ARF5: variants seen among roughly 807,000 people sequenced by gnomAD.
The protein encoded by ARF5 is ADP-ribosylation factor 5.
Under a neutral mutation model 24.8 loss-of-function variants are expected in ARF5, and 10 were observed. The observed-to-expected ratio is 0.40, with a 90% CI of 0.25 to 0.68. The LOEUF (loss-of-function observed/expected upper bound fraction) is 0.68. ARF5 is among the 30% of genes least tolerant of loss of function. The pLI is 0.36. For missense variants in ARF5, 135 were observed against 239.2 expected (o/e 0.56, Z 2.87); for synonymous variants, 102 against 95.1 (o/e 1.07, Z -0.42).
In ARF5 at chr7:127,591,330, AG is replaced by A. The variant is rs1183248917; in HGVS notation, c.*32del. ...CAGGGGCAGGCCCCTGATGCCCGGA[AG>A]CTCCTGCGTGCATCCCCGGGATGAC... On this transcript the variant is annotated 3_prime_UTR_variant, in exon 6 of 6. Transcript: ENST00000000233. 1 of 1,544,582 alleles carries A rather than the reference AG, an allele frequency of 6.5e-7. No individual in the cohort carries two copies. The highest frequency in any genetic ancestry group is 2.1e-5 in the Admixed American group (1 of 46,580).
Position 127,590,117 on chromosome 7 carries a change from G to A in ARF5, c.310G>A (p.Ala104Thr), listed in dbSNP as rs781588986. 1.9e-5 allele frequency: 31 copies of A among 1,613,988 alleles called. No individual in the cohort carries two copies. The South Asian group carries it at 3.2e-4, about 17-fold the overall frequency. Residue 104 changes from alanine (A) to threonine (T), a missense_variant, in exon 4 of 6, where the codon GCT becomes ACT. Around this residue, in one of 3 missense-constraint regions of ARF5, gnomAD observed 102 missense variants for 160.9 expected, o/e 0.63. Transcript: ENST00000000233. Reference sequence around the variant, plus strand: ...TGACCGGGAGCGGGTCCAAGAATCTGCTGATGAACTCCAGAAGATGGTGAG... The same window carrying A: ...TGACCGGGAGCGGGTCCAAGAATCTACTGATGAACTCCAGAAGATGGTGAG... ...SNDRERVQES[A>T]DELQKMLQED...
In ARF5 at chr7:127,591,434, C is replaced by T. The variant is rs1226868461; in HGVS notation, c.*135C>T. The T allele has an allele frequency of 2.8e-6, 2 of 720,334 alleles. No individual in the cohort carries two copies. The highest frequency in any genetic ancestry group is 4.4e-6 in the Non-Finnish European group (2 of 459,418). The allele number at this position is 720,334 out of a possible 1,614,324, so 44.6% of individuals were successfully genotyped here. A position where few individuals can be genotyped will look rare whatever the true frequency, so the allele number is the denominator to read the frequency against. On this transcript the variant is annotated 3_prime_UTR_variant, in exon 6 of 6. Transcript: ENST00000000233. ...ATAGCCACAGGCCTCTGCTCCTGCT[C>T]CTGCCTGCATGTTCTCTCTGTTGTT...
At chr7:127,588,923 C>T in intron 1 of ARF5, 160 bp from the exon 2 acceptor site, 2 of 801,994 alleles carry the variant, frequency 2.5e-6, no homozygotes, top group Non-Finnish European at 4.0e-6. Context: ...TCACGCCACC[C>T]GACTGCCCTC....
intron 4 of ARF5, 25 bp downstream of exon 4, chr7:127,590,162 T>C: frequency 1.9e-6 from 3 of 1,602,326 alleles, no homozygotes; most frequent in East Asian, 2.2e-5. Flanking sequence ...CCCTGGGAAC[T>C]GAGCCCTCAG....
intron 2 of ARF5, 65 bp from the exon 3 acceptor site, chr7:127,589,420 A>C: frequency 7.4e-7 from 1 of 1,349,088 alleles, no homozygotes; most frequent in South Asian, 1.2e-5. Context: ...GCTGAAATCT[A>C]AGTAGTTTTA....
chr7:127,590,128 C>T lies in ARF5; in HGVS notation c.321C>T (p.Leu107=). Residue 107 remains leucine (L), a synonymous_variant, in exon 4 of 6, where the codon CTC becomes CTT. Coordinates refer to ENST00000000233, the MANE Select transcript of ARF5 (RefSeq NM_001662.4). ...RERVQESADE[L]QKMLQEDELR... is the part of the protein sequence containing the mutation. ...GGGTCCAAGAATCTGCTGATGAACT[C>T]CAGAAGATGGTGAGTACCCAGAGCC... The T allele has an allele frequency of 6.2e-7, 1 of 1,613,654 alleles. No individual in the cohort carries two copies. Among genetic ancestry groups the T allele is most frequent in the Non-Finnish European group, 8.5e-7 (1 of 1,179,664 alleles).
At chr7:127,590,419 G>A (rs977014490) in intron 4 of ARF5, among the ~76,000 whole-genome samples, 2 of 151,360 alleles carry the variant, frequency 1.3e-5, no homozygotes, top group Middle Eastern at 3.2e-3. Flanking sequence ...TGCAACCTCC[G>A]TCTCCCGGGT....
Position 127,588,581 on chromosome 7 carries a change from C to A in ARF5, c.67+16C>A. The A allele has an allele frequency of 7.2e-7, 1 of 1,388,374 alleles. No individual in the cohort carries two copies. The highest frequency in any genetic ancestry group is 9.5e-7 in the Non-Finnish European group (1 of 1,056,682). 86.0% of individuals were successfully genotyped at this position (1,388,374 alleles called of 1,614,324 possible). A position where few individuals can be genotyped will look rare whatever the true frequency, so the allele number is the denominator to read the frequency against. On this transcript the variant is annotated intron_variant, in intron 1 of 5. Transcript: ENST00000000233. ...ATTCTCATGGGTGAGGCAGATCGAG[C>A]GCGCGGCCCGGACCGGGGCGCCGGC...
At chr7:127,588,586 G>A (rs1340980908) in intron 1 of ARF5, 21 bp downstream of exon 1, 1 of 1,363,928 alleles carries the variant, frequency 7.3e-7, no homozygotes, top group Non-Finnish European at 9.6e-7. Context: ...TCGAGCGCGC[G>A]GCCCGGACCG....
rs200093249 is a variant in ARF5 at position 127,589,479 on chromosome 7, C to A, written c.149-6C>A. The A allele has an allele frequency of 6.2e-7, 1 of 1,600,520 alleles. No individual in the cohort carries two copies. The highest frequency in any genetic ancestry group is 1.3e-5 in the African/African-American group (1 of 74,306). ...TTTCTCATCTTTTTTTTCCAATTAT[C>A]TGCAGGCTTCAATGTAGAAACAGTG... On this transcript the variant is annotated splice_polypyrimidine_tract_variant and splice_region_variant and intron_variant, in intron 2 of 5. Coordinates refer to ENST00000000233, the MANE Select transcript of ARF5 (RefSeq NM_001662.4).
At chr7:127,589,462 C>A (rs1250696231) in intron 2 of ARF5, 23 bp from the exon 3 acceptor site, 1 of 1,568,852 alleles carries the variant, frequency 6.4e-7, no homozygotes, top group Non-Finnish European at 8.8e-7. Flanking sequence ...GTTTTCTCAT[C>A]TTTTTTTTCC....
rs1419162496 is a variant in ARF5 at position 127,591,580 on chromosome 7, C to T, written c.*281C>T. Reference sequence around the variant, plus strand: ...AGAGGAGGAGCAGGGATCTGGGTTTCCTTTTTTTTTTCTGTTTTGGGTGTA... The same window carrying T: ...AGAGGAGGAGCAGGGATCTGGGTTTTCTTTTTTTTTTCTGTTTTGGGTGTA... On this transcript the variant is annotated 3_prime_UTR_variant, in exon 6 of 6. Coordinates refer to ENST00000000233, the MANE Select transcript of ARF5 (RefSeq NM_001662.4). 7 of 422,244 alleles carry T rather than the reference C, an allele frequency of 1.7e-5. No individual in the cohort carries two copies. The highest frequency in any genetic ancestry group is 3.8e-5 in the South Asian group (1 of 26,484). The allele number at this position is 422,244 out of a possible 1,614,324, so 26.2% of individuals were successfully genotyped here. A position where few individuals can be genotyped will look rare whatever the true frequency, so the allele number is the denominator to read the frequency against.
Position 127,589,930 on chromosome 7 carries a change from C to G in ARF5, c.259-136C>G, listed in dbSNP as rs1048091598. ...ACTCCTGTAGAGCTTCTATAGAGTT[C>G]TGTAAACTTCTGTAGAGTTTACTAG... On this transcript the variant is annotated intron_variant, in intron 3 of 5. Transcript: ENST00000000233. The G allele has an allele frequency of 5.0e-6, 4 of 802,862 alleles. No homozygotes were observed. In the South Asian group the frequency reaches 6.1e-5, roughly 12 times the overall value. The allele number at this position is 802,862 out of a possible 1,614,324, so 49.7% of individuals were successfully genotyped here.
chr7:127,589,618 C>A (rs1794254895), intron 3 of ARF5, 24 bp downstream of exon 3: 1 of 1,562,776 alleles, frequency 6.4e-7, no homozygotes, highest in South Asian at 1.1e-5. Context: ...AGGGGACTTT[C>A]TAACCCCACG....
At position 127,591,659 on chromosome 7, in the gene ARF5, T is replaced by A. The variant is rs1794290242; in HGVS notation, c.*360T>A. On this transcript the variant is annotated 3_prime_UTR_variant, in exon 6 of 6. Coordinates refer to ENST00000000233, the MANE Select transcript of ARF5 (RefSeq NM_001662.4). ...GTGAGGGCTTCGGGTGGTGCTATAA[T>A]GTGGCACTGGATCTTGAGTAATAAA... The A allele has an allele frequency of 3.3e-6, 1 of 305,934 alleles. No individual in the cohort carries two copies. Among genetic ancestry groups the A allele is most frequent in the Non-Finnish European group, 6.2e-6 (1 of 160,568 alleles). The allele number at this position is 305,934 out of a possible 1,614,324, so 19.0% of individuals were successfully genotyped here.
At chr7:127,590,020 C>T in intron 3 of ARF5, 46 bp from the exon 4 acceptor site, 2 of 1,525,196 alleles carry the variant, frequency 1.3e-6, no homozygotes, top group Non-Finnish European at 1.8e-6. Flanking sequence ...CGGTATGTCC[C>T]AGGCAGAAGT....
intron 1 of ARF5, 169 bp from the exon 2 acceptor site, chr7:127,588,914 C>CA: frequency 1.3e-6 from 1 of 752,798 alleles, no homozygotes; most frequent in Middle Eastern, 2.7e-4. Flanking sequence ...GGAGTTGGCT[C>CA]ACGCCACCCG....
At chr7:127,589,768 C>CA (rs1246093770) in intron 3 of ARF5, 174 bp downstream of exon 3, 6 of 618,114 alleles carry the variant, frequency 9.7e-6, no homozygotes, top group South Asian at 8.1e-5. Context: ...TAGTCTTCCC[C>CA]AGCTTGGACT....
Position 127,588,544 on chromosome 7 carries a change from A to T in ARF5, c.46A>T (p.Lys16Ter). The T allele has an allele frequency of 6.8e-7, 1 of 1,461,854 alleles. No homozygotes were observed. Among genetic ancestry groups the T allele is most frequent in the Non-Finnish European group, 9.1e-7 (1 of 1,094,282 alleles). 90.6% of individuals were successfully genotyped at this position (1,461,854 alleles called of 1,614,324 possible). Residue 16 changes from lysine (K) to a stop codon, truncating the protein, a stop_gained, in exon 1 of 6, where the codon AAG (lysine) becomes TAG (stop). Coordinates refer to ENST00000000233, the MANE Select transcript of ARF5 (RefSeq NM_001662.4). LOFTEE classifies it high-confidence loss of function. Reference protein sequence around the residue: ...SALFSRIFGKKQMRILMVGLD... With the variant: ...SALFSRIFGK The stretch of plus-strand genomic sequence containing the variant: ...GCTCTTTTCGCGGATCTTCGGGAAG[A>T]AGCAGATGCGGATTCTCATGGGTGA...
Sources: gnomAD v4.1 joint callset for allele counts (sites outside exome capture counted in the v4.1 genomes callset) on GRCh38, gnomAD v4.1.1 for gene constraint, gnomAD v4.1.1 regional missense constraint, MANE v1.5 for transcripts, NCBI Gene and HGNC (gene_info 2026-07-23, HGNC 2026-07-21) for gene names.